PDZRN4: variants seen among roughly 807,000 people sequenced by gnomAD.
PDZRN4 encodes the protein PDZ domain containing ring finger 4.
Under a neutral mutation model 99.0 loss-of-function variants are expected in PDZRN4, and 70 were observed. The observed-to-expected ratio is 0.71, with a 90% CI of 0.58 to 0.86. The LOEUF (loss-of-function observed/expected upper bound fraction) is 0.86. Among genes scored for constraint, PDZRN4 ranks in the 40% least tolerant of loss-of-function variants. The pLI, the probability that PDZRN4 is intolerant of heterozygous loss-of-function variation, is 0.00. For synonymous variants in PDZRN4, 551 were observed against 501.6 expected, an observed-to-expected ratio of 1.10 and a Z score of -1.32; for missense variants, 1,474 against 1,331.2, an observed-to-expected ratio of 1.11 and a Z score of -1.67.
chr12:41,211,435 G>A (rs1207177811), intron 3 of PDZRN4, among the ~76,000 whole-genome samples: 1 of 151,716 alleles, frequency 6.6e-6, no homozygotes, highest in Non-Finnish European at 1.5e-5. Context: ...TTCCTTTGTG[G>A]CACTTACAGA....
intron 5 of PDZRN4, among the ~76,000 whole-genome samples, chr12:41,549,000 C>G (rs570395061): frequency 6.6e-6 from 1 of 152,070 alleles, no homozygotes; most frequent in East Asian, 1.9e-4. Flanking sequence ...AGACGCGTCC[C>G]CAGAATAGCA....
intron 3 of PDZRN4, among the ~76,000 whole-genome samples, chr12:41,404,464 C>T (rs1952328380): frequency 6.6e-6 from 1 of 152,012 alleles, no homozygotes; most frequent in South Asian, 2.1e-4. Flanking sequence ...GGTGAAAGCC[C>T]TATACAAGGA....
chr12:41,205,548 G>A (rs552344776), intron 3 of PDZRN4, among the ~76,000 whole-genome samples: 1 of 151,794 alleles, frequency 6.6e-6, no homozygotes, highest in South Asian at 2.1e-4. Context: ...CCGTCTCAAG[G>A]ACTTCTCACT....
chr12:41,234,381 A>G (rs1355507333), intron 3 of PDZRN4, among the ~76,000 whole-genome samples: 1 of 152,114 alleles, frequency 6.6e-6, no homozygotes, highest in Non-Finnish European at 1.5e-5. Context: ...GTTCAAATGT[A>G]TTTTTCAGAG....
Position 41,482,432 on chromosome 12 carries a change from A to T in PDZRN4, c.844-24024A>T, listed in dbSNP as rs75836612. Among the ~76,000 whole-genome samples, 1,354 of 152,288 alleles carry T rather than the reference A, an allele frequency of 8.9e-3. 25 individuals carry two copies. Among genetic ancestry groups the T allele is most frequent in the African/African-American group, 0.031 (1,293 of 41,558 alleles). On this transcript the variant is annotated intron_variant, in intron 3 of 9. Coordinates refer to ENST00000402685, the MANE Select transcript of PDZRN4 (RefSeq NM_001164595.2). ...CAAGGAAAAAAAGGAAGAGGGAAAT[A>T]ACTGTTGGCTAGCCAACCAATAGTA...
chr12:41,389,100 G>C (rs1393349266), intron 3 of PDZRN4, among the ~76,000 whole-genome samples: 1 of 152,076 alleles, frequency 6.6e-6, no homozygotes, highest in African/African-American at 2.4e-5. Context: ...AGGTACTTAA[G>C]ATTATATGAA....
At chr12:41,529,320 G>T (rs1309195009) in intron 5 of PDZRN4, among the ~76,000 whole-genome samples, 13 of 152,200 alleles carry the variant, frequency 8.5e-5, no homozygotes, top group African/African-American at 2.9e-4. Context: ...TAAGCTGAAG[G>T]AAACGTGTTT....
intron 5 of PDZRN4, among the ~76,000 whole-genome samples, chr12:41,515,089 C>G (rs1172092402): frequency 6.6e-6 from 1 of 152,006 alleles, no homozygotes; most frequent in Non-Finnish European, 1.5e-5. Context: ...AGCGCTTCCC[C>G]CACTAGCCAG....
At chr12:41,427,760 C>A (rs1246416295) in intron 3 of PDZRN4, among the ~76,000 whole-genome samples, 3 of 152,104 alleles carry the variant, frequency 2.0e-5, no homozygotes, top group African/African-American at 7.2e-5. Flanking sequence ...GCAAGGAACA[C>A]AACAGAGAAG....
At chr12:41,345,499 T>C (rs1000320259) in intron 3 of PDZRN4, among the ~76,000 whole-genome samples, 3 of 152,166 alleles carry the variant, frequency 2.0e-5, no homozygotes, top group African/African-American at 4.8e-5. Context: ...GCAAACAATA[T>C]ACAAAGGGTT....
intron 3 of PDZRN4, among the ~76,000 whole-genome samples, chr12:41,408,033 T>G (rs1471202742): frequency 1.3e-5 from 2 of 152,230 alleles, no homozygotes; most frequent in African/African-American, 2.4e-5. Flanking sequence ...GAGTGTGATG[T>G]TTGATAATAA....
intron 5 of PDZRN4, among the ~76,000 whole-genome samples, chr12:41,550,862 T>TTA (rs1343453083): frequency 6.6e-6 from 1 of 152,266 alleles, no homozygotes; most frequent in East Asian, 1.9e-4. Flanking sequence ...TTTAAACAGG[T>TTA]TATTATCCAC....
intron 7 of PDZRN4, 150 bp downstream of exon 7, chr12:41,555,910 A>C (rs1939152764): frequency 6.1e-6 from 4 of 654,352 alleles, no homozygotes; most frequent in Non-Finnish European, 1.1e-5. Context: ...GCTGTCATTT[A>C]AAACTAATTT....
In PDZRN4 at chr12:41,572,828, C is replaced by T. The variant is rs138663536; in HGVS notation, c.2049C>T (p.Ile683=). 2.5e-6 allele frequency: 4 copies of T among 1,613,962 alleles called. No individual in the cohort carries two copies. The African/African-American group carries it at 4.0e-5, about 16-fold the overall frequency. ...LRNIELECQN[I]MQAHRLQKVT... is the part of the protein sequence containing the mutation. ...ACATTGAGCTTGAGTGTCAGAATAT[C>T]ATGCAGGCTCACAGGCTCCAGAAAG... Residue 683 remains isoleucine (I), a synonymous_variant, in exon 10 of 10, where the codon ATC becomes ATT. Coordinates refer to ENST00000402685, the MANE Select transcript of PDZRN4 (RefSeq NM_001164595.2).
rs921621882 is a variant in PDZRN4 at position 41,292,907 on chromosome 12, A to C, written c.843+98719A>C. Among the ~76,000 whole-genome samples, 5 of 151,944 alleles carry C rather than the reference A, an allele frequency of 3.3e-5. No homozygotes were observed. In the East Asian group the frequency reaches 1.0e-3, roughly 30 times the overall value. On this transcript the variant is annotated intron_variant, in intron 3 of 9. Transcript: ENST00000402685. ...AAATCCTCACTATTATGAAAAGACCAATGTGAATGTTTCTGGTCAGGCAGC... is the reference window on the plus strand; with the variant it reads ...AAATCCTCACTATTATGAAAAGACCCATGTGAATGTTTCTGGTCAGGCAGC...
At chr12:41,327,933 A>G (rs1951720595) in intron 3 of PDZRN4, among the ~76,000 whole-genome samples, 1 of 152,134 alleles carries the variant, frequency 6.6e-6, no homozygotes, top group Non-Finnish European at 1.5e-5. Flanking sequence ...TTTTAGTCTT[A>G]CTGAAGCAAT....
intron 3 of PDZRN4, among the ~76,000 whole-genome samples, chr12:41,417,723 G>A (rs368097162): frequency 7.2e-5 from 11 of 152,186 alleles, no homozygotes; most frequent in African/African-American, 2.7e-4. Flanking sequence ...TGCATTCTCA[G>A]ATAGGTGATG....
intron 3 of PDZRN4, among the ~76,000 whole-genome samples, chr12:41,315,145 T>G (rs538334393): frequency 2.0e-5 from 3 of 152,174 alleles, no homozygotes; most frequent in Non-Finnish European, 2.9e-5. Flanking sequence ...TCTGAAAGCT[T>G]ATGAAGCCAA....
chr12:41,424,360 C>T (rs1952516716), intron 3 of PDZRN4, among the ~76,000 whole-genome samples: 1 of 152,028 alleles, frequency 6.6e-6, no homozygotes, highest in Non-Finnish European at 1.5e-5. Flanking sequence ...TCCCTTCATT[C>T]CAAACAAATA....
Sources: gnomAD v4.1 joint callset for allele counts (sites outside exome capture counted in the v4.1 genomes callset) on GRCh38, gnomAD v4.1.1 for gene constraint, MANE v1.5 for transcripts, NCBI Gene and HGNC (gene_info 2026-07-23, HGNC 2026-07-21) for gene names.